TENM1: variants seen among roughly 807,000 people sequenced by gnomAD.
TENM1 encodes the protein teneurin transmembrane protein 1, also known as teneurin-1.
In TENM1, 35 loss-of-function variants were observed where a neutral mutation model predicts 174.8. That is an observed-to-expected ratio of 0.20 (90% CI 0.15 to 0.27). TENM1 has a LOEUF of 0.27. TENM1 is among the 10% of genes least tolerant of loss of function. The pLI, the probability that TENM1 is intolerant of heterozygous loss-of-function variation, is 1.00. For synonymous variants in TENM1, 781 were observed against 798.7 expected (o/e 0.98, Z 0.37); for missense variants, 1,633 against 2,130.1 (o/e 0.77, Z 4.59).
intron 21 of TENM1, among the ~76,000 whole-genome samples, chrX:124,484,674 T>G (rs1289194914): frequency 9.0e-6 from 1 of 111,419 alleles, no homozygotes; most frequent in Non-Finnish European, 1.9e-5. Flanking sequence ...TGAGGGATTT[T>G]TTTTTTAGCC....
In TENM1 at chrX:124,545,404, G is replaced by A. The variant is rs2048407816; in HGVS notation, c.2651+1470C>T. On this transcript the variant is annotated intron_variant, in intron 15 of 31. Coordinates refer to ENST00000422452, the Ensembl canonical transcript of TENM1. The stretch of plus-strand genomic sequence containing the variant: ...GTTTATTGCTCACATGCTCTGCTCT[G>A]GGTCACAATGACTTGTCTCTTGTCT... Among the ~76,000 whole-genome samples, 3 of 112,145 alleles carry A rather than the reference G, an allele frequency of 2.7e-5. 1 individual carries two copies. In the South Asian group the frequency reaches 1.1e-3, roughly 42 times the overall value.
intron 3 of TENM1, among the ~76,000 whole-genome samples, chrX:124,881,720 T>A (rs2057306739): frequency 9.2e-6 from 1 of 109,206 alleles, no homozygotes; most frequent in Non-Finnish European, 1.9e-5. Flanking sequence ...GTTGTTGTTG[T>A]TGTTGTTTTG....
chrX:125,182,455 G>GT, the TENM1 span, among the ~76,000 whole-genome samples: 1 of 55,974 alleles, frequency 1.8e-5, no homozygotes, highest in Non-Finnish European at 2.9e-5. Flanking sequence ...TCGGCGGGCG[G>GT]GGGGGGGGGC....
chrX:124,493,001 C>T (rs748385673), intron 20 of TENM1, among the ~76,000 whole-genome samples: 1 of 110,513 alleles, frequency 9.0e-6, no homozygotes, highest in Non-Finnish European at 1.9e-5. Flanking sequence ...TCAGAAAAGC[C>T]GGCTAGCTTG....
At chrX:124,809,843 G>GGAGAGAGAGAGAGAGAGAGAGA (rs4027522) in intron 3 of TENM1, among the ~76,000 whole-genome samples, 5 of 78,670 alleles carry the variant, frequency 6.4e-5, no homozygotes, top group Non-Finnish European at 7.1e-5. Flanking sequence ...CATGACAGCA[G>GGAGAGAGAGAGAGAGAGAGAGA]GAGAGAGAGA....
the TENM1 span, among the ~76,000 whole-genome samples, chrX:125,153,244 G>T: frequency 9.0e-6 from 1 of 111,512 alleles, no homozygotes; most frequent in African/African-American, 3.3e-5. Context: ...CCTGTAAAAT[G>T]GAGATTTTTT....
chrX:124,421,885 T>C (rs1166408771), intron 24 of TENM1, among the ~76,000 whole-genome samples: 1 of 111,899 alleles, frequency 8.9e-6, no homozygotes, highest in Non-Finnish European at 1.9e-5. Context: ...TTTTACCTAG[T>C]TTTCCTTTCT....
chrX:124,919,964 G>A (rs771094768), intron 1 of TENM1, among the ~76,000 whole-genome samples: 1 of 111,040 alleles, frequency 9.0e-6, no homozygotes, highest in East Asian at 2.8e-4. Context: ...ATGAACATAA[G>A]TCACTAAAGA....
chrX:124,525,829 T>C (rs886242897), intron 16 of TENM1, among the ~76,000 whole-genome samples: 1 of 112,136 alleles, frequency 8.9e-6, no homozygotes. Flanking sequence ...TCTTAGCTGC[T>C]ATTGTAAATG....
chrX:124,682,189 T>C (rs900204840), intron 5 of TENM1, among the ~76,000 whole-genome samples: 10 of 111,865 alleles, frequency 8.9e-5, no homozygotes, highest in African/African-American at 3.2e-4. Context: ...TAATTTCCTT[T>C]CCTCTATCAT....
intron 3 of TENM1, among the ~76,000 whole-genome samples, chrX:124,772,377 C>T (rs1292139134): frequency 8.9e-6 from 1 of 112,104 alleles, no homozygotes; most frequent in Non-Finnish European, 1.9e-5. Context: ...GTCAAGTGAT[C>T]TGCCCTCCTT....
the TENM1 span, among the ~76,000 whole-genome samples, chrX:125,189,443 A>C: frequency 7.1e-5 from 8 of 112,336 alleles, no homozygotes; most frequent in Admixed American, 6.6e-4. Context: ...AGAGGCAAAA[A>C]CAGCAGAAGC....
intron 1 of TENM1, among the ~76,000 whole-genome samples, chrX:124,900,433 G>A (rs758512801): frequency 3.6e-5 from 4 of 111,973 alleles, no homozygotes; most frequent in Non-Finnish European, 7.5e-5. Flanking sequence ...AAACTTTGGG[G>A]TGATCTAAAT....
Position 124,958,571 on chromosome X carries a change from C to T in TENM1, c.217+4966G>A, listed in dbSNP as rs556179665. On this transcript the variant is annotated intron_variant, in intron 1 of 31. Coordinates refer to ENST00000422452, the Ensembl canonical transcript of TENM1. ...CTGAAGATCATCACTCTCATGATGG[C>T]ATTCAATACTTATCACAACCTCCTG... Among the ~76,000 whole-genome samples, 3 of 111,491 alleles carry T rather than the reference C, an allele frequency of 2.7e-5. No homozygotes were observed. The South Asian group carries it at 1.2e-3, about 43-fold the overall frequency.
intron 28 of TENM1, among the ~76,000 whole-genome samples, chrX:124,388,249 G>A (rs1046010390): frequency 9.0e-6 from 1 of 110,963 alleles, no homozygotes; most frequent in Admixed American, 9.6e-5. Flanking sequence ...CACTGTACCA[G>A]CCTTTCCAAG....
intron 4 of TENM1, among the ~76,000 whole-genome samples, chrX:124,716,931 G>A (rs2053197571): frequency 9.0e-6 from 1 of 111,036 alleles, no homozygotes; most frequent in Non-Finnish European, 1.9e-5. Flanking sequence ...AAAGTTAAAG[G>A]CACCTTTTTT....
At position 124,652,144 on chromosome X, in the gene TENM1, G is replaced by T; in HGVS notation, c.1369-20C>A. 5.0e-6 allele frequency: 6 copies of T among 1,203,557 alleles called. No homozygotes were observed. Among genetic ancestry groups the T allele is most frequent in the Non-Finnish European group, 6.7e-6 (6 of 891,252 alleles). On this transcript the variant is annotated intron_variant, in intron 7 of 31. Coordinates refer to ENST00000422452, the Ensembl canonical transcript of TENM1. Reference sequence around the variant, plus strand: ...ATCAAACTGGAACAAATACAAACATGAAGATGAGCCACTACTTTTTCTTCT... The same window carrying T: ...ATCAAACTGGAACAAATACAAACATTAAGATGAGCCACTACTTTTTCTTCT...
chrX:124,848,553 G>T (rs766442274), intron 3 of TENM1, among the ~76,000 whole-genome samples: 1 of 111,253 alleles, frequency 9.0e-6, no homozygotes, highest in South Asian at 3.7e-4. Context: ...AGCTTCCATT[G>T]TTTTCCTGTC....
chrX:124,565,558 G>A, exon 12 of TENM1: 1 of 1,138,135 alleles, frequency 8.8e-7, no homozygotes, highest in Non-Finnish European at 1.2e-6. Flanking sequence ...ATGGTACACA[G>A]CTCTGTGGGG....
Sources: gnomAD v4.1 joint callset for allele counts (sites outside exome capture counted in the v4.1 genomes callset) on GRCh38, gnomAD v4.1.1 for gene constraint, MANE v1.5 for transcripts, NCBI Gene and HGNC (gene_info 2026-07-23, HGNC 2026-07-21) for gene names.